EPHA6: variants seen among roughly 807,000 people sequenced by gnomAD.
The protein encoded by EPHA6 is ephrin type-A receptor 6.
In EPHA6, 50 loss-of-function variants were observed where a neutral mutation model predicts 112.0. The observed-to-expected ratio is 0.45, with a 90% CI of 0.36 to 0.56. The LOEUF is 0.56. EPHA6 is among the 20% of genes least tolerant of loss of function. EPHA6 has a pLI of 0.00. For synonymous variants in EPHA6, 529 were observed against 490.7 expected, an observed-to-expected ratio of 1.08 and a Z score of -1.03; for missense variants, 1,280 against 1,417.4, an observed-to-expected ratio of 0.90 and a Z score of 1.56.
intron 5 of EPHA6, among the ~76,000 whole-genome samples, chr3:97,342,737 T>A (rs1024123191): frequency 1.3e-5 from 2 of 152,124 alleles, no homozygotes; most frequent in African/African-American, 4.8e-5. Context: ...CCCTTTGTCC[T>A]ATGCCATGGA....
chr3:96,863,636 G>C (rs576838608), intron 1 of EPHA6, among the ~76,000 whole-genome samples: 1 of 151,720 alleles, frequency 6.6e-6, no homozygotes, highest in Non-Finnish European at 1.5e-5. Flanking sequence ...ACTATAATAG[G>C]TACATACATA....
rs536166879 is a variant in EPHA6 at position 97,054,307 on chromosome 3, A to G, written c.1114+66314A>G. ...ACATGAATGGCTAAAAATAGGTTTC[A>G]TATTTGCTCTGGTATTCACAAACAC... On this transcript the variant is annotated intron_variant, in intron 3 of 17. Transcript: ENST00000389672. Among the ~76,000 whole-genome samples, 33 of 152,224 alleles carry G rather than the reference A, an allele frequency of 2.2e-4. 1 individual carries two copies. In the South Asian group the frequency reaches 6.2e-3, roughly 29 times the overall value.
chr3:97,487,247 G>A (rs919554129), intron 10 of EPHA6, among the ~76,000 whole-genome samples: 1 of 152,208 alleles, frequency 6.6e-6, no homozygotes, highest in Admixed American at 6.5e-5. Flanking sequence ...TGCATGCAAA[G>A]CAACAGTTAA....
At chr3:97,265,272 T>C (rs888369186) in intron 5 of EPHA6, among the ~76,000 whole-genome samples, 2 of 152,140 alleles carry the variant, frequency 1.3e-5, no homozygotes, top group African/African-American at 4.8e-5. Flanking sequence ...CTCTCAACCT[T>C]TGCCCAGGAG....
intron 14 of EPHA6, among the ~76,000 whole-genome samples, chr3:97,709,908 G>C (rs1399724058): frequency 1.3e-5 from 2 of 152,038 alleles, no homozygotes; most frequent in African/African-American, 4.8e-5. Flanking sequence ...AGTTTCCTGA[G>C]GCCTTTCCAG....
chr3:96,990,958 G>A (rs1559650733), intron 3 of EPHA6, among the ~76,000 whole-genome samples: 1 of 151,052 alleles, frequency 6.6e-6, no homozygotes, highest in Non-Finnish European at 1.5e-5. Context: ...TTTTCTTCTT[G>A]TCTATTCTGT....
intron 3 of EPHA6, among the ~76,000 whole-genome samples, chr3:97,166,313 A>G (rs2076539406): frequency 6.6e-6 from 1 of 151,876 alleles, no homozygotes; most frequent in Admixed American, 6.6e-5. Flanking sequence ...CAAAACATTT[A>G]TGCTTTCATC....
chr3:97,046,201 C>T (rs992161568), intron 3 of EPHA6, among the ~76,000 whole-genome samples: 1 of 152,112 alleles, frequency 6.6e-6, no homozygotes, highest in South Asian at 2.1e-4. Flanking sequence ...GAAGCTTAAG[C>T]ACAATGATGT....
chr3:97,165,477 G>A (rs994154152), intron 3 of EPHA6, among the ~76,000 whole-genome samples: 21 of 152,086 alleles, frequency 1.4e-4, no homozygotes, highest in African/African-American at 4.6e-4. Flanking sequence ...AGCTGCAGGT[G>A]GCATTAAGAT....
At chr3:97,575,983 C>T (rs1488503686) in intron 11 of EPHA6, among the ~76,000 whole-genome samples, 1 of 152,070 alleles carries the variant, frequency 6.6e-6, no homozygotes, top group Non-Finnish European at 1.5e-5. Context: ...AGGAAGTGGT[C>T]TAAATGAACC....
chr3:96,837,067 G>A (rs912754199), intron 1 of EPHA6, among the ~76,000 whole-genome samples: 2 of 152,090 alleles, frequency 1.3e-5, no homozygotes, highest in Non-Finnish European at 2.9e-5. Flanking sequence ...GATAAGATAG[G>A]GAGGCCAAGA....
intron 2 of EPHA6, among the ~76,000 whole-genome samples, chr3:96,924,807 C>T (rs1185629519): frequency 3.3e-5 from 5 of 151,914 alleles, no homozygotes; most frequent in Admixed American, 1.3e-4. Flanking sequence ...GCAATATGTT[C>T]GTTTAATACC....
At chr3:97,292,293 C>T (rs2080714870) in intron 5 of EPHA6, among the ~76,000 whole-genome samples, 1 of 152,248 alleles carries the variant, frequency 6.6e-6, no homozygotes, top group South Asian at 2.1e-4. Context: ...AGGACCACAG[C>T]TCTTCTCTCC....
intron 1 of EPHA6, among the ~76,000 whole-genome samples, chr3:96,826,327 A>G (rs895367202): frequency 1.3e-5 from 2 of 152,152 alleles, no homozygotes; most frequent in Admixed American, 6.6e-5. Context: ...TACTACACAC[A>G]TAAGACACTT....
At chr3:97,624,729 T>A (rs1415350818) in intron 13 of EPHA6, among the ~76,000 whole-genome samples, 1 of 151,672 alleles carries the variant, frequency 6.6e-6, no homozygotes, top group Admixed American at 6.6e-5. Flanking sequence ...TTAATCTTAT[T>A]ACTAGTTATA....
intron 13 of EPHA6, among the ~76,000 whole-genome samples, chr3:97,614,335 T>TG (rs1560192047): frequency 1.4e-5 from 1 of 69,190 alleles, no homozygotes; most frequent in East Asian, 8.8e-4. Context: ...GTATACTTAC[T>TG]TTTTTTTTTT....
At chr3:97,411,331 C>T (rs373346689) in intron 6 of EPHA6, among the ~76,000 whole-genome samples, 26 of 151,922 alleles carry the variant, frequency 1.7e-4, no homozygotes, top group African/African-American at 6.0e-4. Flanking sequence ...AATACTGCAT[C>T]CACAGCAGCA....
At chr3:97,271,644 C>T (rs2079885343) in intron 5 of EPHA6, among the ~76,000 whole-genome samples, 1 of 152,186 alleles carries the variant, frequency 6.6e-6, no homozygotes, top group South Asian at 2.1e-4. Flanking sequence ...AGGCATGAGC[C>T]ACCGCACCCA....
intron 5 of EPHA6, among the ~76,000 whole-genome samples, chr3:97,331,472 A>G (rs556656384): frequency 6.6e-6 from 1 of 152,248 alleles, no homozygotes; most frequent in Admixed American, 6.5e-5. Flanking sequence ...TGGTTTTTTG[A>G]AAAGATCAAC....
Sources: gnomAD v4.1 joint callset for allele counts (sites outside exome capture counted in the v4.1 genomes callset) on GRCh38, gnomAD v4.1.1 for gene constraint, MANE v1.5 for transcripts, NCBI Gene and HGNC (gene_info 2026-07-23, HGNC 2026-07-21) for gene names.